CCN4: variants seen among roughly 807,000 people sequenced by gnomAD.
The protein encoded by CCN4 is cellular communication network factor 4.
A neutral mutation model predicts 36.7 loss-of-function variants in CCN4; 30 were observed. That is an observed-to-expected ratio of 0.82 (90% CI 0.61 to 1.11). The LOEUF (loss-of-function observed/expected upper bound fraction) is 1.11. Among genes scored for constraint, CCN4 ranks in the 50% least tolerant of loss-of-function variants. CCN4 has a pLI of 0.00. For missense variants in CCN4, 505 were observed against 504.9 expected (o/e 1.00, Z 0.00); for synonymous variants, 191 against 195.4 (o/e 0.98, Z 0.19).
chr8:133,194,467 G>T (rs1853252352), intron 1 of CCN4, among the ~76,000 whole-genome samples: 1 of 37,010 alleles, frequency 2.7e-5, no homozygotes, highest in South Asian at 8.4e-4. Flanking sequence ...TGTGTGTGGG[G>T]TGTGTGTGTG....
Position 133,229,790 on chromosome 8 carries a change from C to A in CCN4, c.*2080C>A, listed in dbSNP as rs2977549. The A allele has an allele frequency of 6.6e-6, 1 of 152,038 alleles. No individual in the cohort carries two copies. Among genetic ancestry groups the A allele is most frequent in the Non-Finnish European group, 1.5e-5 (1 of 67,990 alleles). The allele number at this position is 152,038 out of a possible 1,614,324, so 9.4% of individuals were successfully genotyped here. On this transcript the variant is annotated 3_prime_UTR_variant, in exon 5 of 5. Transcript: ENST00000250160. ...AACAGTCAAAATTTTATATTAAGTG[C>A]CTTAGCAAAAGAGACATTTAATATT... is the stretch of plus-strand genomic sequence containing the variant.
chr8:133,192,630 C>G (rs757840356), intron 1 of CCN4, among the ~76,000 whole-genome samples: 1 of 152,208 alleles, frequency 6.6e-6, no homozygotes, highest in African/African-American at 2.4e-5. Context: ...GGAGCTAAGT[C>G]GCTGTTTATT....
At chr8:133,193,446 T>C (rs1002216732) in intron 1 of CCN4, among the ~76,000 whole-genome samples, 1 of 152,198 alleles carries the variant, frequency 6.6e-6, no homozygotes, top group Non-Finnish European at 1.5e-5. Flanking sequence ...CCGAGTGTAT[T>C]TGGGAATTTA....
intron 3 of CCN4, among the ~76,000 whole-genome samples, chr8:133,224,655 T>C (rs929736410): frequency 2.0e-5 from 3 of 152,104 alleles, no homozygotes; most frequent in African/African-American, 7.2e-5. Context: ...TTATTCCTGG[T>C]CAGGCGTGGT....
chr8:133,225,619 C>T, intron 4 of CCN4, 36 bp downstream of exon 4: 1 of 1,500,182 alleles, frequency 6.7e-7, no homozygotes, highest in Non-Finnish European at 9.0e-7. Context: ...CTAGACTTCA[C>T]AAGCAGACAA....
chr8:133,205,412 ACTCTCCTTGACTT>A (rs977967371), intron 1 of CCN4, among the ~76,000 whole-genome samples: 1 of 151,248 alleles, frequency 6.6e-6, no homozygotes, highest in Non-Finnish European at 1.5e-5. Flanking sequence ...CCTAGACAAC[ACTCTCCTTGACTT>A]ACGATCTTTT....
chr8:133,219,388 C>T (rs777582859), intron 2 of CCN4, among the ~76,000 whole-genome samples: 3 of 152,122 alleles, frequency 2.0e-5, no homozygotes, highest in Non-Finnish European at 4.4e-5. Context: ...AACCCCTGGG[C>T]GGGCTTCCTT....
intron 1 of CCN4, among the ~76,000 whole-genome samples, chr8:133,196,858 C>T (rs1263869986): frequency 6.6e-6 from 1 of 152,128 alleles, no homozygotes; most frequent in Non-Finnish European, 1.5e-5. Context: ...GCAGGCAAGG[C>T]CCTATCCAAT....
At chr8:133,222,440 C>T (rs1191579071) in intron 3 of CCN4, among the ~76,000 whole-genome samples, 1 of 151,920 alleles carries the variant, frequency 6.6e-6, no homozygotes, top group Non-Finnish European at 1.5e-5. Context: ...CCCACGGGAT[C>T]TTAAGAGAAG....
At chr8:133,220,525 T>C in intron 2 of CCN4, 56 bp from the exon 3 acceptor site, 6 of 1,588,354 alleles carry the variant, frequency 3.8e-6, no homozygotes, top group Non-Finnish European at 5.2e-6. Context: ...TAAAGGCAGC[T>C]GGGCCAGCCA....
chr8:133,204,437 T>G (rs1271758076), intron 1 of CCN4, among the ~76,000 whole-genome samples: 1 of 152,236 alleles, frequency 6.6e-6, no homozygotes, highest in Non-Finnish European at 1.5e-5. Flanking sequence ...CACTTTTCTC[T>G]TATCCCTGCC....
At chr8:133,198,759 G>T (rs374302044) in intron 1 of CCN4, among the ~76,000 whole-genome samples, 1 of 152,182 alleles carries the variant, frequency 6.6e-6, no homozygotes. Context: ...CTCTCTGCTG[G>T]CCTTGCCCTG....
At chr8:133,203,109 CAG>C (rs1853647842) in intron 1 of CCN4, among the ~76,000 whole-genome samples, 3 of 152,202 alleles carry the variant, frequency 2.0e-5, no homozygotes, top group Non-Finnish European at 4.4e-5. Context: ...GCCTCCGAAA[CAG>C]GGCAAGCCAA....
intron 2 of CCN4, among the ~76,000 whole-genome samples, chr8:133,218,948 C>T (rs1376427366): frequency 6.6e-6 from 1 of 152,160 alleles, no homozygotes; most frequent in African/African-American, 2.4e-5. Flanking sequence ...CTCTCCTTTC[C>T]CCCGCACAGC....
chr8:133,206,028 C>T (rs758647788), intron 1 of CCN4, among the ~76,000 whole-genome samples: 23 of 152,294 alleles, frequency 1.5e-4, no homozygotes, highest in Non-Finnish European at 2.9e-4. Flanking sequence ...CTTAGGGGCC[C>T]GAGCTCCCGG....
At chr8:133,208,708 C>T (rs1413965284) in intron 1 of CCN4, among the ~76,000 whole-genome samples, 2 of 152,044 alleles carry the variant, frequency 1.3e-5, no homozygotes, top group Non-Finnish European at 2.9e-5. Flanking sequence ...TGATCTATTC[C>T]CACCCCCTCT....
At chr8:133,207,035 T>C (rs1322287720) in intron 1 of CCN4, among the ~76,000 whole-genome samples, 1 of 151,706 alleles carries the variant, frequency 6.6e-6, no homozygotes, top group Non-Finnish European at 1.5e-5. Context: ...AGGTGGAGAG[T>C]GTAAGCACAG....
chr8:133,202,043 A>C (rs1223383550), intron 1 of CCN4, among the ~76,000 whole-genome samples: 3 of 152,200 alleles, frequency 2.0e-5, no homozygotes, highest in Admixed American at 1.3e-4. Flanking sequence ...TACAGTATTC[A>C]GTGTTTTTTG....
intron 2 of CCN4, among the ~76,000 whole-genome samples, chr8:133,216,628 G>T (rs920892125): frequency 2.0e-5 from 3 of 152,174 alleles, no homozygotes; most frequent in African/African-American, 7.2e-5. Context: ...ACATCATTTG[G>T]CTATTTCAGT....
Sources: gnomAD v4.1 joint callset for allele counts (sites outside exome capture counted in the v4.1 genomes callset) on GRCh38, gnomAD v4.1.1 for gene constraint, MANE v1.5 for transcripts, NCBI Gene and HGNC (gene_info 2026-07-23, HGNC 2026-07-21) for gene names.